The following PPP2R2A variants were observed in gnomAD, a reference collection of about 807,000 sequenced individuals.
PPP2R2A encodes protein phosphatase 2 regulatory subunit Balpha.
In PPP2R2A, 9 loss-of-function variants were observed where a neutral mutation model predicts 53.2. The observed-to-expected ratio is 0.17, with a 90% CI of 0.10 to 0.30. The LOEUF (loss-of-function observed/expected upper bound fraction) is 0.30. PPP2R2A is among the 10% of genes least tolerant of loss of function. PPP2R2A has a pLI of 1.00. For synonymous variants in PPP2R2A, 169 were observed against 174.2 expected (o/e 0.97, Z 0.23); for missense variants, 235 against 534.6 (o/e 0.44, Z 5.53).
At chr8:26,300,525 A>C (rs1370637477) in intron 2 of PPP2R2A, among the ~76,000 whole-genome samples, 1 of 152,200 alleles carries the variant, frequency 6.6e-6, no homozygotes, top group Non-Finnish European at 1.5e-5. Context: ...TTAAGTAATC[A>C]AGTATCCATA....
Position 26,370,793 on chromosome 8 carries a change from T to G in PPP2R2A, c.*380T>G. 4.4e-6 allele frequency: 1 copy of G among 228,298 alleles called. No individual in the cohort carries two copies. Among genetic ancestry groups the G allele is most frequent in the South Asian group, 6.8e-5 (1 of 14,696 alleles). 14.1% of individuals were successfully genotyped at this position (228,298 alleles called of 1,614,324 possible). On this transcript the variant is annotated 3_prime_UTR_variant, in exon 10 of 10. Transcript: ENST00000380737. This position sits in a 1 kb window ranked among gnomAD's most constrained non-coding sequence, Gnocchi z 6.1. ...ATGGGATTTAATTGTGTATCCTCAT[T>G]ACTGTATCATTTGTGGGGTACACCC... is the stretch of plus-strand genomic sequence containing the variant.
Position 26,365,704 on chromosome 8 carries a change from GAAT to G in PPP2R2A, c.973-610_973-608del, listed in dbSNP as rs1300111146. The G allele has an allele frequency of 3.3e-5, 5 of 152,118 alleles. No individual in the cohort carries two copies. The East Asian group carries it at 9.7e-4, about 29-fold the overall frequency. 9.4% of individuals were successfully genotyped at this position (152,118 alleles called of 1,614,324 possible). A position where few individuals can be genotyped will look rare whatever the true frequency, so the allele number is the denominator to read the frequency against. Reference sequence around the variant, plus strand: ...CTTTTTTGACATATTAGTAAATACAGAATTATATAATTCAAAAAACAGGCACAG... The same window carrying G: ...CTTTTTTGACATATTAGTAAATACAGTATATAATTCAAAAAACAGGCACAG... On this transcript the variant is annotated intron_variant, in intron 8 of 9. Coordinates refer to ENST00000380737, the MANE Select transcript of PPP2R2A (RefSeq NM_002717.4).
chr8:26,303,457 C>T (rs1801879094), intron 2 of PPP2R2A, among the ~76,000 whole-genome samples: 1 of 152,126 alleles, frequency 6.6e-6, no homozygotes, highest in African/African-American at 2.4e-5. Context: ...TTGAGCCCAA[C>T]TTGTAGCAGT....
In PPP2R2A at chr8:26,338,021, A is replaced by T. The variant is rs780179279; in HGVS notation, c.83-869A>T. 7.9e-5 allele frequency among the ~76,000 whole-genome samples: 12 copies of T among 152,032 alleles called. No homozygotes were observed. The highest frequency in any genetic ancestry group is 1.5e-4 in the Non-Finnish European group (10 of 67,942). On this transcript the variant is annotated intron_variant, in intron 2 of 9. Transcript: ENST00000380737. The surrounding 1 kb of genome is among the most constrained non-coding windows in gnomAD (Gnocchi z 4.5). ...ACAGTGAGCTTCTGTAGACCAGAGG[A>T]TGTCTGTTCTTTTATAAAGCTGATT...
chr8:26,368,179 C>T (rs961429511), intron 9 of PPP2R2A, among the ~76,000 whole-genome samples: 11 of 152,162 alleles, frequency 7.2e-5, no homozygotes, highest in African/African-American at 2.7e-4. Flanking sequence ...TAAAGAAATA[C>T]AGTTTTGTCA....
Position 26,370,391 on chromosome 8 carries a change from T to C in PPP2R2A, c.1322T>C (p.Ile441Thr), listed in dbSNP as rs1426110747. 1 of 1,614,172 alleles carries C rather than the reference T, an allele frequency of 6.2e-7. No individual in the cohort carries two copies. The highest frequency in any genetic ancestry group is 1.7e-5 in the Admixed American group (1 of 60,020). ...GTAGCTACTACAAACAATCTGTATA[T>C]ATTTCAAGACAAAGTGAATTAGGGT... is the stretch of plus-strand genomic sequence containing the variant. ...IAVATTNNLY[I>T]FQDKVN The change falls in exon 10 of 10, where the codon ATA (isoleucine) becomes ACA (threonine). Residue 441 changes from isoleucine to threonine, a missense_variant. Transcript: ENST00000380737. This position sits in a 1 kb window ranked among gnomAD's most constrained non-coding sequence, Gnocchi z 6.1.
intron 6 of PPP2R2A, among the ~76,000 whole-genome samples, chr8:26,361,798 A>G (rs181812854): frequency 4.0e-3 from 603 of 152,086 alleles, no homozygotes; most frequent in African/African-American, 0.014. Flanking sequence ...CGTCTCTCCT[A>G]AAAATACAAA....
chr8:26,303,880 A>G lies in PPP2R2A; in HGVS notation c.82+10140A>G, dbSNP rs192411921. ...TGGAATCCTTGGCAAGTCGTTGAAT[A>G]CTTCTATATACCACATTGCCGGGAG... On this transcript the variant is annotated intron_variant, in intron 2 of 9. Coordinates refer to ENST00000380737, the MANE Select transcript of PPP2R2A (RefSeq NM_002717.4). Among the ~76,000 whole-genome samples, 301 of 152,354 alleles carry G rather than the reference A, an allele frequency of 2.0e-3. 1 individual carries two copies. In the Middle Eastern group the frequency reaches 0.027, roughly 14 times the overall value.
intron 3 of PPP2R2A, among the ~76,000 whole-genome samples, chr8:26,341,976 G>C (rs1458246120): frequency 6.6e-6 from 1 of 152,128 alleles, no homozygotes; most frequent in Admixed American, 6.5e-5. Context: ...CTTGCTGCCT[G>C]TCCGTTTATT....
At chr8:26,344,527 T>C (rs543567536) in intron 3 of PPP2R2A, among the ~76,000 whole-genome samples, 15 of 152,204 alleles carry the variant, frequency 9.9e-5, no homozygotes, top group South Asian at 2.1e-4. Context: ...TTGAGTGATC[T>C]GTTTTCTGTC....
At chr8:26,307,920 T>C (rs1264203956) in intron 2 of PPP2R2A, among the ~76,000 whole-genome samples, 1 of 152,194 alleles carries the variant, frequency 6.6e-6, no homozygotes, top group Non-Finnish European at 1.5e-5. Flanking sequence ...CCATGTACTA[T>C]ATGTAAATGA....
rs1299884325 is a variant in PPP2R2A at position 26,338,429 on chromosome 8, G to A, written c.83-461G>A. Among the ~76,000 whole-genome samples, 1 of 152,116 alleles carries A rather than the reference G, an allele frequency of 6.6e-6. No homozygotes were observed. The highest frequency in any genetic ancestry group is 1.5e-5 in the Non-Finnish European group (1 of 68,022). On this transcript the variant is annotated intron_variant, in intron 2 of 9. Coordinates refer to ENST00000380737, the MANE Select transcript of PPP2R2A (RefSeq NM_002717.4). This position sits in a 1 kb window ranked among gnomAD's most constrained non-coding sequence, Gnocchi z 4.5. ...TTTGAAGCCATGATTTTGAATTTAT[G>A]ACTTAAAATTCCATCTAAAAGTATT...
At chr8:26,340,061 G>A (rs1344622557) in intron 3 of PPP2R2A, 7 of 151,666 alleles carry the variant, frequency 4.6e-5, no homozygotes, top group East Asian at 3.9e-4. Flanking sequence ...TATTTTTTTC[G>A]TTTGGAAGAA....
In PPP2R2A at chr8:26,363,713, G is replaced by C; in HGVS notation, c.803-8G>C. 1.1e-5 allele frequency: 17 copies of C among 1,567,098 alleles called. No homozygotes were observed. Among genetic ancestry groups the C allele is most frequent in the Non-Finnish European group, 1.5e-5 (17 of 1,152,824 alleles). On this transcript the variant is annotated splice_polypyrimidine_tract_variant and splice_region_variant and intron_variant, in intron 7 of 9. Coordinates refer to ENST00000380737, the MANE Select transcript of PPP2R2A (RefSeq NM_002717.4). ...TGCCCTTTTTGTGTTGTTTTGTTTT[G>C]TTTTTAGTGTTTGAAGAACCTGAAG... is the stretch of plus-strand genomic sequence containing the variant.
At chr8:26,293,562 G>C in intron 1 of PPP2R2A, 104 bp from the exon 2 acceptor site, 1 of 1,116,566 alleles carries the variant, frequency 9.0e-7, no homozygotes, top group South Asian at 1.6e-5. Flanking sequence ...TGTGTGGGCA[G>C]AACTAGGCTG....
intron 2 of PPP2R2A, among the ~76,000 whole-genome samples, chr8:26,306,595 C>T (rs1030568739): frequency 6.6e-6 from 1 of 151,916 alleles, no homozygotes; most frequent in African/African-American, 2.4e-5. Context: ...ACTTTTCCCA[C>T]TGTATTAATC....
At chr8:26,340,364 A>G (rs1319900146) in intron 3 of PPP2R2A, among the ~76,000 whole-genome samples, 1 of 152,056 alleles carries the variant, frequency 6.6e-6, no homozygotes, top group South Asian at 2.1e-4. Flanking sequence ...TTCATGCTAG[A>G]TAACCAAAAT....
At chr8:26,327,767 G>C (rs568685788) in intron 2 of PPP2R2A, among the ~76,000 whole-genome samples, 2 of 152,220 alleles carry the variant, frequency 1.3e-5, no homozygotes, top group South Asian at 4.1e-4. Context: ...AGAAATTTGG[G>C]TTAATCATAC....
At chr8:26,309,844 ATGGC>A (rs1802193368) in intron 2 of PPP2R2A, among the ~76,000 whole-genome samples, 2 of 152,168 alleles carry the variant, frequency 1.3e-5, no homozygotes, top group Non-Finnish European at 2.9e-5. Context: ...GAGGTGCTTC[ATGGC>A]ATTCCAAAAC....
Sources: gnomAD v4.1 joint callset for allele counts (sites outside exome capture counted in the v4.1 genomes callset) on GRCh38, gnomAD v4.1.1 for gene constraint, Gnocchi (gnomAD v3.1) non-coding constraint, MANE v1.5 for transcripts, NCBI Gene and HGNC (gene_info 2026-07-23, HGNC 2026-07-21) for gene names.